WDR70: variants seen among roughly 807,000 people sequenced by gnomAD.
The protein encoded by WDR70 is WD repeat-containing protein 70.
In WDR70, 53 loss-of-function variants were observed where a neutral mutation model predicts 88.6. The observed-to-expected ratio is 0.60, with a 90% CI of 0.48 to 0.75. WDR70 has a LOEUF of 0.75. WDR70 is among the 30% of genes least tolerant of loss of function. The pLI is 0.00. For missense variants in WDR70, 610 were observed against 823.2 expected (o/e 0.74, Z 3.17); for synonymous variants, 280 against 270.0 (o/e 1.04, Z -0.36).
intron 8 of WDR70, among the ~76,000 whole-genome samples, chr5:37,512,302 A>G (rs1740744228): frequency 6.6e-6 from 1 of 151,810 alleles, no homozygotes; most frequent in African/African-American, 2.4e-5. Context: ...AGTTCACTGC[A>G]GTCTCCATCT....
intron 7 of WDR70, among the ~76,000 whole-genome samples, chr5:37,472,006 C>T (rs1210460418): frequency 6.6e-6 from 1 of 151,638 alleles, no homozygotes; most frequent in African/African-American, 2.4e-5. Flanking sequence ...AACATGTCAG[C>T]ATTAAGGAAG....
At chr5:37,732,444 C>T (rs1022449674) in intron 17 of WDR70, among the ~76,000 whole-genome samples, 1 of 152,020 alleles carries the variant, frequency 6.6e-6, no homozygotes, top group Non-Finnish European at 1.5e-5. Context: ...TTGTTTTCAG[C>T]CTTTTTCTTT....
intron 9 of WDR70, among the ~76,000 whole-genome samples, chr5:37,553,305 T>TCA (rs1188223117): frequency 6.6e-6 from 1 of 152,148 alleles, no homozygotes; most frequent in Non-Finnish European, 1.5e-5. Context: ...GGATTGGAAC[T>TCA]CACGTCTGGC....
At chr5:37,533,457 T>TCACCACCACCACCAC (rs35578229) in intron 9 of WDR70, among the ~76,000 whole-genome samples, 111 of 141,278 alleles carry the variant, frequency 7.9e-4, no homozygotes, top group African/African-American at 2.8e-3. Context: ...AACAAAACAA[T>TCACCACCACCACCAC]CACCACCACC....
At position 37,468,138 on chromosome 5, in the gene WDR70, T is replaced by C. The variant is rs369157463; in HGVS notation, c.687-11696T>C. Among the ~76,000 whole-genome samples the C allele has an allele frequency of 8.5e-5, 13 of 152,310 alleles. No homozygotes were observed. In the East Asian group the frequency reaches 1.7e-3, roughly 20 times the overall value. ...TGGTAGGATTACAGGCATGAGCCAC[T>C]GCGCCCGGCCTATCATATGAATTTT... On this transcript the variant is annotated intron_variant, in intron 7 of 17. Coordinates refer to ENST00000265107, the MANE Select transcript of WDR70 (RefSeq NM_018034.4).
chr5:37,629,459 T>C (rs951484558), intron 10 of WDR70, among the ~76,000 whole-genome samples: 4 of 152,226 alleles, frequency 2.6e-5, no homozygotes, highest in African/African-American at 9.6e-5. Context: ...CTTTAGGCTT[T>C]CCTTATTCTT....
At chr5:37,531,984 C>A (rs895169914) in intron 9 of WDR70, among the ~76,000 whole-genome samples, 1 of 152,076 alleles carries the variant, frequency 6.6e-6, no homozygotes, top group Non-Finnish European at 1.5e-5. Context: ...ATTTTTTTAT[C>A]TAGAAAAGAC....
intron 14 of WDR70, chr5:37,722,544 G>C: frequency 3.5e-6 from 1 of 287,140 alleles, no homozygotes; most frequent in Admixed American, 4.6e-5. Context: ...GAAAAGGTTG[G>C]GTAATTTTAT....
intron 10 of WDR70, among the ~76,000 whole-genome samples, chr5:37,668,729 G>C (rs1745935856): frequency 6.6e-6 from 1 of 152,176 alleles, no homozygotes; most frequent in Non-Finnish European, 1.5e-5. Flanking sequence ...CTTCCAGCTG[G>C]TCATCAGTTA....
At chr5:37,634,082 G>T (rs1386881725) in intron 10 of WDR70, among the ~76,000 whole-genome samples, 1 of 151,874 alleles carries the variant, frequency 6.6e-6, no homozygotes, top group East Asian at 1.9e-4. Flanking sequence ...AGCGCATCAC[G>T]AGGTCAGGAG....
intron 9 of WDR70, among the ~76,000 whole-genome samples, chr5:37,558,554 C>G (rs116277905): frequency 0.015 from 2,304 of 151,848 alleles, 52 homozygotes; most frequent in African/African-American, 0.053. Flanking sequence ...TTGAACTCCT[C>G]GGCTCAAACA....
chr5:37,572,557 AC>A (rs1742939347), intron 9 of WDR70, among the ~76,000 whole-genome samples: 2 of 152,062 alleles, frequency 1.3e-5, no homozygotes, highest in African/African-American at 4.8e-5. Context: ...CATACATTGT[AC>A]CCACCAAGCA....
intron 8 of WDR70, among the ~76,000 whole-genome samples, chr5:37,484,954 A>G (rs908320807): frequency 3.3e-5 from 5 of 152,350 alleles, no homozygotes; most frequent in Admixed American, 6.5e-5. Context: ...TACCTTGTCC[A>G]TGGCTAACAT....
At chr5:37,450,916 GA>G (rs1561857432) in intron 7 of WDR70, among the ~76,000 whole-genome samples, 1 of 151,934 alleles carries the variant, frequency 6.6e-6, no homozygotes, top group African/African-American at 2.4e-5. Flanking sequence ...GTGTTTTTTT[GA>G]GATGGAGTTT....
At chr5:37,635,492 A>G (rs756811938) in intron 10 of WDR70, among the ~76,000 whole-genome samples, 1 of 152,216 alleles carries the variant, frequency 6.6e-6, no homozygotes, top group South Asian at 2.1e-4. Flanking sequence ...TAAAATTTAC[A>G]TCTGCAGTAT....
At chr5:37,411,661 G>A (rs1362837886) in intron 5 of WDR70, among the ~76,000 whole-genome samples, 1 of 152,114 alleles carries the variant, frequency 6.6e-6, no homozygotes, top group African/African-American at 2.4e-5. Flanking sequence ...GGGAGGTGGA[G>A]GTTGTAGTGA....
chr5:37,675,743 C>T (rs1263758348), intron 10 of WDR70, among the ~76,000 whole-genome samples: 7 of 151,978 alleles, frequency 4.6e-5, no homozygotes, highest in Non-Finnish European at 1.0e-4. Context: ...ATATGAACTT[C>T]AAAGTAGTTT....
At chr5:37,408,021 A>C (rs1445317371) in intron 5 of WDR70, among the ~76,000 whole-genome samples, 2 of 152,190 alleles carry the variant, frequency 1.3e-5, no homozygotes, top group Non-Finnish European at 2.9e-5. Flanking sequence ...CCTCACATTA[A>C]TGAATAAGGA....
chr5:37,513,499 G>A (rs945345292), intron 8 of WDR70, among the ~76,000 whole-genome samples: 1 of 152,180 alleles, frequency 6.6e-6, no homozygotes, highest in Non-Finnish European at 1.5e-5. Flanking sequence ...CATGGAGCCA[G>A]AAAATAAAAT....
Sources: gnomAD v4.1 joint callset for allele counts (sites outside exome capture counted in the v4.1 genomes callset) on GRCh38, gnomAD v4.1.1 for gene constraint, MANE v1.5 for transcripts, NCBI Gene and HGNC (gene_info 2026-07-23, HGNC 2026-07-21) for gene names.